The following MMS19 variants were observed in gnomAD, a reference collection of about 807,000 sequenced individuals.
MMS19 encodes MMS19 nucleotide excision repair protein homolog.
Under a neutral mutation model 129.8 loss-of-function variants are expected in MMS19, and 77 were observed. The ratio of observed to expected loss-of-function variants is 0.59; its 90% CI spans 0.49 to 0.72. The LOEUF (loss-of-function observed/expected upper bound fraction) is 0.72, where lower values mean the gene tolerates loss of function less well. MMS19 is among the 30% of genes least tolerant of loss of function. The pLI is 0.00. For synonymous variants in MMS19, 491 were observed against 502.8 expected (o/e 0.98, Z 0.31); for missense variants, 1,168 against 1,266.3 (o/e 0.92, Z 1.18).
chr10:97,485,158 C>T (rs527603596), intron 1 of MMS19, among the ~76,000 whole-genome samples: 5 of 152,062 alleles, frequency 3.3e-5, no homozygotes, highest in South Asian at 2.1e-4. Context: ...AGATGGAGTT[C>T]GCCTTTGTCA....
chr10:97,471,485 A>G (rs909957953), intron 8 of MMS19, among the ~76,000 whole-genome samples: 8 of 152,112 alleles, frequency 5.3e-5, no homozygotes, highest in Non-Finnish European at 1.0e-4. Flanking sequence ...CACCAAAAAC[A>G]TAGTAAAAGA....
chr10:97,463,471 T>C (rs1435648821), intron 19 of MMS19, among the ~76,000 whole-genome samples: 71 of 152,238 alleles, frequency 4.7e-4, no homozygotes, highest in Non-Finnish European at 4.4e-5. Context: ...ACGGTACTCT[T>C]TATCTCCATC....
At chr10:97,492,702 T>A (rs1235296585) in intron 1 of MMS19, among the ~76,000 whole-genome samples, 40 of 142,130 alleles carry the variant, frequency 2.8e-4, no homozygotes, top group Admixed American at 1.2e-3. Context: ...AAAAAAAAAA[T>A]AGAAAAATTA....
Position 97,461,843 on chromosome 10 carries a change from GCAGA to G in MMS19, c.2165_2168del (p.Val722AlafsTer12), listed in dbSNP as rs1202491831. ...GCTCACTTACATTTCGAGGCAGGGA[GCAGA>G]CAAAGGCCATAAGCAGTGCAATCAG... On this transcript the variant is annotated frameshift_variant, in exon 22 of 31. Coordinates refer to ENST00000438925, the MANE Select transcript of MMS19 (RefSeq NM_022362.5). LOFTEE classifies it high-confidence loss of function. The G allele has an allele frequency of 6.2e-7, 1 of 1,609,586 alleles. No individual in the cohort carries two copies. Among genetic ancestry groups the G allele is most frequent in the Non-Finnish European group, 8.5e-7 (1 of 1,178,074 alleles).
chr10:97,488,425 T>C (rs1208459958), intron 1 of MMS19, among the ~76,000 whole-genome samples: 1 of 152,192 alleles, frequency 6.6e-6, no homozygotes, highest in African/African-American at 2.4e-5. Flanking sequence ...CCAGGAAAGC[T>C]AGAAGTTTAT....
At chr10:97,496,511 CAAAA>C (rs11357826) in intron 1 of MMS19, among the ~76,000 whole-genome samples, 12 of 108,048 alleles carry the variant, frequency 1.1e-4, no homozygotes, top group East Asian at 2.7e-4. Flanking sequence ...GACCTTGTCT[CAAAA>C]AAAAAAAAAA....
At chr10:97,494,609 CACAAT>C (rs1445467233) in intron 1 of MMS19, among the ~76,000 whole-genome samples, 1 of 152,118 alleles carries the variant, frequency 6.6e-6, no homozygotes, top group Non-Finnish European at 1.5e-5. Flanking sequence ...CATGGAAAAA[CACAAT>C]ACAATAAAGA....
rs978616270 is a variant in MMS19 at position 97,461,730 on chromosome 10, T to G, written c.2184+98A>C. ...GACGGATGAGAACTAACTTCTCTGG[T>G]GGGGGAAGTAAAAGATCAGCTTAGC... On this transcript the variant is annotated intron_variant, in intron 22 of 30. Coordinates refer to ENST00000438925, the MANE Select transcript of MMS19 (RefSeq NM_022362.5). 18 of 1,538,020 alleles carry G rather than the reference T, an allele frequency of 1.2e-5. No homozygotes were observed. The African/African-American group carries it at 2.2e-4, about 19-fold the overall frequency.
At chr10:97,478,515 A>C in intron 3 of MMS19, 126 bp from the exon 4 acceptor site, 1 of 676,818 alleles carries the variant, frequency 1.5e-6, no homozygotes, top group Admixed American at 2.5e-5. Flanking sequence ...TCTTTCACCA[A>C]GAGACATGTC....
At chr10:97,496,866 A>G (rs2039889954) in intron 1 of MMS19, among the ~76,000 whole-genome samples, 1 of 152,232 alleles carries the variant, frequency 6.6e-6, no homozygotes, top group African/African-American at 2.4e-5. Context: ...GGTATCTGCA[A>G]TTTAAATGGA....
chr10:97,460,765 CAGAG>C lies in MMS19; in HGVS notation c.2413-18_2413-15del, dbSNP rs748537924. The C allele has an allele frequency of 3.3e-5, 52 of 1,590,506 alleles. No individual in the cohort carries two copies. The highest frequency in any genetic ancestry group is 7.1e-5 in the Admixed American group (4 of 56,372). On this transcript the variant is annotated splice_polypyrimidine_tract_variant and intron_variant, in intron 24 of 30. Transcript: ENST00000438925. Reference sequence around the variant, plus strand: ...GGCCTTTGTTACCTGTAATTGGAGACAGAGAGAGCAATTGGGGAATGACACTCAA... The same window carrying C: ...GGCCTTTGTTACCTGTAATTGGAGACAGAGCAATTGGGGAATGACACTCAA...
intron 3 of MMS19, 139 bp from the exon 4 acceptor site, chr10:97,478,528 G>T: frequency 1.6e-6 from 1 of 624,182 alleles, no homozygotes; most frequent in Non-Finnish European, 2.9e-6. Context: ...GACATGTCCT[G>T]TGCCTTCCCA....
rs1304778386 is a variant in MMS19, at chr10:97,461,832, C to T, written c.2180G>A (p.Arg727Gln). 1.9e-6 allele frequency: 3 copies of T among 1,608,244 alleles called. No homozygotes were observed. The highest frequency in any genetic ancestry group is 2.2e-5 in the East Asian group (1 of 44,700). The change falls in exon 22 of 31, where the codon CGA (arginine) becomes CAA (glutamine). Residue 727 changes from arginine (R) to glutamine (Q), a missense_variant. Arg to Gln is a conservative substitution (Grantham distance 43). Transcript: ENST00000438925. ...TTCCCAAATGTGCTCACTTACATTT[C>T]GAGGCAGGGAGCAGACAAAGGCCAT... ...LLMAFVCSLPRNVEIPQLNQL... is the reference protein window; with the variant it reads ...LLMAFVCSLPQNVEIPQLNQL...
intron 26 of MMS19, 142 bp downstream of exon 26, chr10:97,459,904 A>T: frequency 9.7e-7 from 1 of 1,033,084 alleles, no homozygotes; most frequent in Non-Finnish European, 1.4e-6. Flanking sequence ...AAGAAGTGGG[A>T]CAAGAATCTA....
intron 1 of MMS19, among the ~76,000 whole-genome samples, chr10:97,496,421 A>G (rs942060789): frequency 9.9e-5 from 15 of 151,128 alleles, no homozygotes; most frequent in African/African-American, 2.9e-4. Flanking sequence ...GGCTTGAGGC[A>G]GGAGGATTGC....
rs28987112 is a variant in MMS19, at chr10:97,483,127, A to T, written c.161+976T>A. Among the ~76,000 whole-genome samples the T allele has an allele frequency of 4.1e-3, 616 of 151,886 alleles. 9 individuals carry two copies. Among genetic ancestry groups the T allele is most frequent in the African/African-American group, 0.014 (573 of 41,400 alleles). On this transcript the variant is annotated intron_variant, in intron 2 of 30. Transcript: ENST00000438925. ...TGGAATGCAGTGGCATGACCTGTTT[A>T]CCACAACCTCCACCTCCCAGACTCC...
intron 14 of MMS19, 26 bp downstream of exon 14, chr10:97,467,479 A>G: frequency 6.4e-7 from 1 of 1,561,124 alleles, no homozygotes; most frequent in Non-Finnish European, 8.8e-7. Context: ...CAGTCCCCAG[A>G]GCACTGCAAT....
chr10:97,495,867 T>C (rs563348397), intron 1 of MMS19, among the ~76,000 whole-genome samples: 68 of 152,374 alleles, frequency 4.5e-4, no homozygotes, highest in South Asian at 1.7e-3. Flanking sequence ...CGGCAGCCTC[T>C]GCCTCCCAGG....
At chr10:97,461,757 T>A in intron 22 of MMS19, 71 bp downstream of exon 22, 2 of 1,556,404 alleles carry the variant, frequency 1.3e-6, no homozygotes, top group Non-Finnish European at 1.7e-6. Flanking sequence ...CAGCTTAGCC[T>A]GTGGCAAATT....
Sources: gnomAD v4.1 joint callset for allele counts (sites outside exome capture counted in the v4.1 genomes callset) on GRCh38, gnomAD v4.1.1 for gene constraint, MANE v1.5 for transcripts, NCBI Gene and HGNC (gene_info 2026-07-23, HGNC 2026-07-21) for gene names.